Variants in ATL1 observed in about 807,000 individuals in gnomAD.
ATL1 encodes the protein atlastin GTPase 1.
In ATL1, 31 loss-of-function variants were observed where a neutral mutation model predicts 75.5. The ratio of observed to expected loss-of-function variants is 0.41; its 90% CI spans 0.31 to 0.55. The LOEUF (loss-of-function observed/expected upper bound fraction) is 0.55. ATL1 is among the 20% of genes least tolerant of loss of function. The probability of loss-of-function intolerance (pLI) is 0.27; values close to 1 mark genes in which losing one functional copy is unlikely to be tolerated. For synonymous variants in ATL1, 226 were observed against 233.3 expected, an observed-to-expected ratio of 0.97 and a Z score of 0.28; for missense variants, 405 against 662.6, an observed-to-expected ratio of 0.61 and a Z score of 4.27.
chr14:50,626,664 A>G (rs2039523406), intron 11 of ATL1, among the ~76,000 whole-genome samples: 1 of 152,244 alleles, frequency 6.6e-6, no homozygotes, highest in Non-Finnish European at 1.5e-5. Context: ...TTTGGAGTAC[A>G]TATGATAAAT....
intron 1 of ATL1, among the ~76,000 whole-genome samples, chr14:50,564,647 CAAAAAAAAAAAAAAAAAAAAA>C (rs60054322): frequency 7.5e-5 from 3 of 40,004 alleles, no homozygotes; most frequent in African/African-American, 3.3e-4. Context: ...GATTCCGTCT[CAAAAAAAAAAAAAAAAAAAAA>C]AAAAAAAAAG....
rs776845057 is a variant in ATL1 at position 50,632,313 on chromosome 14, G to C, written c.1651G>C (p.Glu551Gln). The change falls in exon 14 of 14, where the codon GAA becomes CAA. Residue 551 changes from glutamate to glutamine, a missense_variant. Coordinates refer to ENST00000358385, the MANE Select transcript of ATL1 (RefSeq NM_015915.5). ...CCCTACACCAAAGTCGGAATCTACT[G>C]AACAATCAGAAAAGAAAAAAATGTA... ...AFPTPKSEST[E>Q]QSEKKKM 2 of 1,612,324 alleles carry C rather than the reference G, an allele frequency of 1.2e-6. No homozygotes were observed. Among genetic ancestry groups the C allele is most frequent in the Non-Finnish European group, 1.7e-6 (2 of 1,178,668 alleles).
chr14:50,578,599 CT>C (rs35879287), intron 1 of ATL1, among the ~76,000 whole-genome samples: 3 of 152,158 alleles, frequency 2.0e-5, no homozygotes, highest in African/African-American at 4.8e-5. Context: ...CTCCCACACA[CT>C]TTTTTTTCAG....
chr14:50,588,132 A>G (rs1468691118), intron 2 of ATL1, 54 bp downstream of exon 2: 37 of 1,608,372 alleles, frequency 2.3e-5, no homozygotes, highest in Non-Finnish European at 3.1e-5. Context: ...CTGTCACTTC[A>G]TGTTTTTATT....
At chr14:50,537,770 C>T (rs977934272) in intron 1 of ATL1, among the ~76,000 whole-genome samples, 3 of 152,160 alleles carry the variant, frequency 2.0e-5, no homozygotes, top group African/African-American at 7.2e-5. Context: ...GCCTGTAGCC[C>T]CTTTGTTTTG....
Position 50,632,837 on chromosome 14 carries a change from G to C in ATL1, c.*498G>C, listed in dbSNP as rs2039596998. 1 of 155,298 alleles carries C rather than the reference G, an allele frequency of 6.4e-6. No individual in the cohort carries two copies. The highest frequency in any genetic ancestry group is 2.4e-5 in the African/African-American group (1 of 41,392). The allele number at this position is 155,298 out of a possible 1,614,324, so 9.6% of individuals were successfully genotyped here. A position where few individuals can be genotyped will look rare whatever the true frequency, so the allele number is the denominator to read the frequency against. Reference sequence around the variant, plus strand: ...AAGCACATTTTAGAGTTCCTTAGTTGCTTTATCAAAAACCAGATATTGCTT... The same window carrying C: ...AAGCACATTTTAGAGTTCCTTAGTTCCTTTATCAAAAACCAGATATTGCTT... On this transcript the variant is annotated 3_prime_UTR_variant, in exon 14 of 14. Coordinates refer to ENST00000358385, the MANE Select transcript of ATL1 (RefSeq NM_015915.5).
chr14:50,619,559 G>A (rs1227190357), intron 8 of ATL1, among the ~76,000 whole-genome samples: 1 of 152,200 alleles, frequency 6.6e-6, no homozygotes, highest in Non-Finnish European at 1.5e-5. Flanking sequence ...GTGTTCAGAA[G>A]ACTTCTCTCG....
intron 1 of ATL1, among the ~76,000 whole-genome samples, chr14:50,548,903 A>G (rs939350213): frequency 6.6e-6 from 1 of 152,206 alleles, no homozygotes; most frequent in African/African-American, 2.4e-5. Flanking sequence ...AGCAGAGGCC[A>G]TCACCACCAG....
intron 1 of ATL1, among the ~76,000 whole-genome samples, chr14:50,570,206 G>C (rs1341020220): frequency 6.6e-6 from 1 of 152,020 alleles, no homozygotes; most frequent in Non-Finnish European, 1.5e-5. Context: ...TGTCCCACAG[G>C]TTTGTTAAGC....
chr14:50,595,503 T>G (rs1427380290), intron 5 of ATL1, 73 bp from the exon 6 acceptor site: 5 of 1,411,000 alleles, frequency 3.5e-6, no homozygotes, highest in Non-Finnish European at 5.0e-6. Context: ...AATTAAAACT[T>G]TGCAGGTGCT....
upstream of ATL1, among the ~76,000 whole-genome samples, chr14:50,558,797 T>C (rs1014865819): frequency 5.9e-5 from 9 of 152,222 alleles, no homozygotes; most frequent in African/African-American, 1.9e-4. Context: ...ACTTGGTTTA[T>C]AGGTATAAGG....
intron 1 of ATL1, among the ~76,000 whole-genome samples, chr14:50,544,062 A>T (rs2038597854): frequency 6.6e-6 from 1 of 152,238 alleles, no homozygotes; most frequent in Non-Finnish European, 1.5e-5. Context: ...TCCGCAAAGG[A>T]AACAAGGAAG....
chr14:50,543,782 T>C (rs1219950265), intron 1 of ATL1, among the ~76,000 whole-genome samples: 1 of 152,222 alleles, frequency 6.6e-6, no homozygotes, highest in African/African-American at 2.4e-5. Context: ...CTATTATTCC[T>C]AATAACTCTC....
At chr14:50,627,336 T>G (rs1202329959) in intron 11 of ATL1, among the ~76,000 whole-genome samples, 2 of 152,278 alleles carry the variant, frequency 1.3e-5, no homozygotes, top group East Asian at 3.9e-4. Flanking sequence ...TTATATGAAT[T>G]AGGAAATAAA....
At chr14:50,547,045 A>G (rs2038642499) in intron 1 of ATL1, among the ~76,000 whole-genome samples, 1 of 152,120 alleles carries the variant, frequency 6.6e-6, no homozygotes, top group Non-Finnish European at 1.5e-5. Flanking sequence ...AGTTGAACAA[A>G]GAGAACACAT....
At chr14:50,557,548 C>T (rs911839234), upstream of ATL1, among the ~76,000 whole-genome samples, 2 of 152,172 alleles carry the variant, frequency 1.3e-5, no homozygotes, top group Admixed American at 1.3e-4. Flanking sequence ...ACATAACATT[C>T]TATTGCGTAT....
chr14:50,563,526 A>G (rs2140178154), intron 1 of ATL1, among the ~76,000 whole-genome samples: 1 of 152,372 alleles, frequency 6.6e-6, no homozygotes, highest in Non-Finnish European at 1.5e-5. Flanking sequence ...TAGACAATCC[A>G]GAATGAGAAA....
chr14:50,629,009 A>G (rs1299589631), intron 12 of ATL1, among the ~76,000 whole-genome samples: 2 of 152,100 alleles, frequency 1.3e-5, no homozygotes, highest in Non-Finnish European at 2.9e-5. Flanking sequence ...TGAGCCACCC[A>G]GCCTACTTTT....
intron 4 of ATL1, among the ~76,000 whole-genome samples, chr14:50,593,154 A>G (rs1389359156): frequency 1.3e-5 from 2 of 151,824 alleles, no homozygotes; most frequent in Non-Finnish European, 2.9e-5. Context: ...ATTACTCATT[A>G]TTTATATTTG....
Sources: allele counts gnomAD v4.1 joint callset (sites outside exome capture counted in the v4.1 genomes callset), GRCh38; gene constraint gnomAD v4.1.1; transcripts MANE v1.5; gene names NCBI Gene and HGNC (gene_info 2026-07-23, HGNC 2026-07-21).